The following CAMK1D variants were observed in gnomAD, a reference collection of about 807,000 sequenced individuals.
CAMK1D encodes the protein calcium/calmodulin-dependent protein kinase type 1D.
A neutral mutation model predicts 47.7 loss-of-function variants in CAMK1D; 9 were observed. The ratio of observed to expected loss-of-function variants is 0.19; its 90% CI spans 0.11 to 0.33. The LOEUF (loss-of-function observed/expected upper bound fraction) is 0.33, where lower values mean the gene tolerates loss of function less well. CAMK1D is among the 10% of genes least tolerant of loss of function. CAMK1D has a pLI of 1.00. For missense variants in CAMK1D, 291 were observed against 488.7 expected, an observed-to-expected ratio of 0.60 and a Z score of 3.81; for synonymous variants, 184 against 184.9, an observed-to-expected ratio of 0.99 and a Z score of 0.04.
At chr10:12,686,590 C>T (rs1832674844) in intron 3 of CAMK1D, among the ~76,000 whole-genome samples, 1 of 152,102 alleles carries the variant, frequency 6.6e-6, no homozygotes, top group Admixed American at 6.6e-5. Flanking sequence ...TCCCAAAGTG[C>T]TGGGATTACA....
At chr10:12,400,246 A>G (rs7083946) in intron 1 of CAMK1D, among the ~76,000 whole-genome samples, 1,687 of 152,282 alleles carry the variant, frequency 0.011, 30 homozygotes, top group African/African-American at 0.038. Flanking sequence ...CAGTCCCCTA[A>G]CAGAGTGGCA....
chr10:12,652,218 C>G (rs1839993061), intron 2 of CAMK1D, among the ~76,000 whole-genome samples: 1 of 152,090 alleles, frequency 6.6e-6, no homozygotes, highest in African/African-American at 2.4e-5. Flanking sequence ...ACTCCCTTGC[C>G]CCCATCTTTA....
chr10:12,673,650 G>T (rs1340568744), intron 3 of CAMK1D, among the ~76,000 whole-genome samples: 2 of 152,164 alleles, frequency 1.3e-5, no homozygotes, highest in Admixed American at 6.5e-5. Context: ...TAAGTATTAG[G>T]TGTATTTTAA....
intron 6 of CAMK1D, among the ~76,000 whole-genome samples, chr10:12,797,655 G>A (rs781259582): frequency 6.6e-6 from 1 of 152,124 alleles, no homozygotes; most frequent in Non-Finnish European, 1.5e-5. Flanking sequence ...ACTCATTTTA[G>A]TTCATGGATT....
At chr10:12,509,194 G>A (rs1465380828) in intron 1 of CAMK1D, among the ~76,000 whole-genome samples, 1 of 152,258 alleles carries the variant, frequency 6.6e-6, no homozygotes, top group Non-Finnish European at 1.5e-5. Flanking sequence ...AGGGGCCCCA[G>A]GCAGAGGCTG....
chr10:12,688,951 G>A lies in CAMK1D; in HGVS notation c.299+22141G>A, dbSNP rs532101278. On this transcript the variant is annotated intron_variant, in intron 3 of 10. Coordinates refer to ENST00000619168, the MANE Select transcript of CAMK1D (RefSeq NM_153498.4). ...ACCTGCCTCGGCCTCCCAAAGTGCCGGGATTATAGGCGTGAGCCACCACGC... is the reference window on the plus strand; with the variant it reads ...ACCTGCCTCGGCCTCCCAAAGTGCCAGGATTATAGGCGTGAGCCACCACGC... Among the ~76,000 whole-genome samples the A allele has an allele frequency of 1.3e-4, 20 of 152,350 alleles. No individual in the cohort carries two copies. In the South Asian group the frequency reaches 2.3e-3, roughly 17 times the overall value.
intron 1 of CAMK1D, among the ~76,000 whole-genome samples, chr10:12,448,240 A>G (rs1401692877): frequency 7.1e-6 from 1 of 140,902 alleles, no homozygotes; most frequent in African/African-American, 2.7e-5. Context: ...GCCCAGGCTG[A>G]TCTTGAACTC....
At chr10:12,396,506 G>GA (rs1838961306) in intron 1 of CAMK1D, among the ~76,000 whole-genome samples, 2 of 152,210 alleles carry the variant, frequency 1.3e-5, no homozygotes, top group Non-Finnish European at 2.9e-5. Flanking sequence ...TGCTGTGGGG[G>GA]AAAAGTAGCC....
At chr10:12,545,831 G>T (rs1472596613) in intron 1 of CAMK1D, among the ~76,000 whole-genome samples, 1 of 151,646 alleles carries the variant, frequency 6.6e-6, no homozygotes, top group African/African-American at 2.4e-5. Flanking sequence ...ATGGAATTTT[G>T]CCAAGCAGAA....
intron 2 of CAMK1D, among the ~76,000 whole-genome samples, chr10:12,620,194 A>T (rs1838951291): frequency 2.0e-5 from 1 of 49,424 alleles, no homozygotes. Context: ...CTCAAAAAAA[A>T]AAAAAAAAAA....
intron 1 of CAMK1D, among the ~76,000 whole-genome samples, chr10:12,420,021 G>A (rs556783415): frequency 2.6e-5 from 4 of 151,056 alleles, no homozygotes; most frequent in South Asian, 2.1e-4. Flanking sequence ...GCACAGTGTC[G>A]AGCTCTCGGC....
intron 8 of CAMK1D, among the ~76,000 whole-genome samples, chr10:12,817,689 T>C (rs967319169): frequency 6.6e-6 from 1 of 152,082 alleles, no homozygotes; most frequent in Non-Finnish European, 1.5e-5. Context: ...TTGTAGCTAT[T>C]GTTTTGTTTT....
Position 12,694,186 on chromosome 10 carries a change from T to TATATATTATGC in CAMK1D, c.299+27379_299+27380insTATTATGCATA, listed in dbSNP as rs1564498382. Among the ~76,000 whole-genome samples the TATATATTATGC allele has an allele frequency of 1.3e-3, 55 of 42,308 alleles. 8 individuals carry two copies. The highest frequency in any genetic ancestry group is 2.3e-3 in the African/African-American group (22 of 9,536). 27.8% of individuals were successfully genotyped at this position (42,308 alleles called of 152,430 possible). ...TATGCATAATATATATTATATATAA[T>TATATATTATGC]ATAATATATATTATATATTATGTAT... On this transcript the variant is annotated intron_variant, in intron 3 of 10. Coordinates refer to ENST00000619168, the MANE Select transcript of CAMK1D (RefSeq NM_153498.4).
chr10:12,652,409 G>A (rs1160354586), intron 2 of CAMK1D, among the ~76,000 whole-genome samples: 2 of 130,402 alleles, frequency 1.5e-5, no homozygotes, highest in Non-Finnish European at 3.2e-5. Context: ...GTGAAACCCC[G>A]TCACTACTAA....
intron 1 of CAMK1D, among the ~76,000 whole-genome samples, chr10:12,460,291 C>T (rs1261304638): frequency 6.6e-6 from 1 of 150,376 alleles, no homozygotes; most frequent in Non-Finnish European, 1.5e-5. Flanking sequence ...GATGGGGTTC[C>T]ACTTTCTTGC....
At chr10:12,506,138 G>A (rs1389805604) in intron 1 of CAMK1D, among the ~76,000 whole-genome samples, 2 of 152,182 alleles carry the variant, frequency 1.3e-5, no homozygotes, top group Non-Finnish European at 2.9e-5. Context: ...AATGGATGAG[G>A]CTGGGCATAG....
intron 3 of CAMK1D, among the ~76,000 whole-genome samples, chr10:12,754,725 G>A (rs754531773): frequency 2.6e-5 from 4 of 152,132 alleles, no homozygotes; most frequent in Admixed American, 6.5e-5. Flanking sequence ...GCTTGCAGAC[G>A]GCTGTCTTCT....
At chr10:12,414,292 G>C (rs565348621) in intron 1 of CAMK1D, among the ~76,000 whole-genome samples, 1 of 152,316 alleles carries the variant, frequency 6.6e-6, no homozygotes, top group African/African-American at 2.4e-5. Flanking sequence ...TAAACTTTCT[G>C]TGTTGCAAAA....
intron 3 of CAMK1D, among the ~76,000 whole-genome samples, chr10:12,683,720 G>C (rs1172705261): frequency 1.3e-5 from 2 of 148,306 alleles, no homozygotes; most frequent in Admixed American, 6.8e-5. Flanking sequence ...AAATTATGAA[G>C]TAAATGAATT....
Sources: allele counts gnomAD v4.1 joint callset (sites outside exome capture counted in the v4.1 genomes callset), GRCh38; gene constraint gnomAD v4.1.1; transcripts MANE v1.5; gene names NCBI Gene and HGNC (gene_info 2026-07-23, HGNC 2026-07-21).